NOX4: variants seen among roughly 807,000 people sequenced by gnomAD.
NOX4 encodes NADPH oxidase 4.
A neutral mutation model predicts 87.6 loss-of-function variants in NOX4; 69 were observed. The observed-to-expected ratio is 0.79, with a 90% CI of 0.65 to 0.96. The LOEUF (loss-of-function observed/expected upper bound fraction) is 0.96, where lower values mean the gene tolerates loss of function less well. Among genes scored for constraint, NOX4 ranks in the 40% least tolerant of loss-of-function variants. The pLI, the probability that NOX4 is intolerant of heterozygous loss-of-function variation, is 0.00. For synonymous variants in NOX4, 275 were observed against 238.2 expected (o/e 1.15, Z -1.42); for missense variants, 680 against 681.5 (o/e 1.00, Z 0.02).
intron 2 of NOX4, among the ~76,000 whole-genome samples, chr11:89,479,466 T>C (rs1387895134): frequency 6.6e-6 from 1 of 152,166 alleles, no homozygotes; most frequent in Non-Finnish European, 1.5e-5. Flanking sequence ...TTATACCCTA[T>C]TGTTAAAATG....
chr11:89,553,788 C>G, the NOX4 span, among the ~76,000 whole-genome samples: 3 of 151,782 alleles, frequency 2.0e-5, no homozygotes, highest in Non-Finnish European at 4.4e-5. Flanking sequence ...GAGGGCTTGA[C>G]AGCACCATTT....
chr11:89,565,966 G>A, the NOX4 span, among the ~76,000 whole-genome samples: 1 of 151,786 alleles, frequency 6.6e-6, no homozygotes, highest in South Asian at 2.1e-4. Flanking sequence ...ATGTATTGCT[G>A]GATTTGTGCA....
intron 11 of NOX4, among the ~76,000 whole-genome samples, chr11:89,396,307 T>C (rs2135160087): frequency 6.6e-6 from 1 of 152,272 alleles, no homozygotes; most frequent in East Asian, 1.9e-4. Context: ...TCTCTGTTTG[T>C]CTGTTATTGG....
chr11:89,549,041 A>G, the NOX4 span, among the ~76,000 whole-genome samples: 5 of 152,374 alleles, frequency 3.3e-5, no homozygotes, highest in Admixed American at 1.3e-4. Flanking sequence ...GAATGTTTCA[A>G]AAGCAATAAA....
At chr11:89,573,975 T>TA in the NOX4 span, among the ~76,000 whole-genome samples, 64 of 152,224 alleles carry the variant, frequency 4.2e-4, no homozygotes, top group African/African-American at 1.3e-3. Context: ...CAGAAGGTCA[T>TA]ACTCTGATAT....
At chr11:89,509,816 G>A in the NOX4 span, among the ~76,000 whole-genome samples, 5 of 152,036 alleles carry the variant, frequency 3.3e-5, no homozygotes, top group Non-Finnish European at 4.4e-5. Flanking sequence ...CGATGTGTCC[G>A]TGTCCACTGA....
At chr11:89,441,738 A>G (rs35699522) in intron 5 of NOX4, among the ~76,000 whole-genome samples, 1,961 of 152,152 alleles carry the variant, frequency 0.013, 26 homozygotes, top group Middle Eastern at 0.051. Flanking sequence ...TAATATTGCT[A>G]GAGAAAGAAA....
chr11:89,388,334 C>A (rs1396590974), intron 11 of NOX4, among the ~76,000 whole-genome samples: 2 of 152,106 alleles, frequency 1.3e-5, no homozygotes, highest in Non-Finnish European at 2.9e-5. Flanking sequence ...CCACTGAGAC[C>A]TGCCCCAGGA....
intron 2 of NOX4, among the ~76,000 whole-genome samples, chr11:89,462,633 G>C (rs1945521598): frequency 6.6e-6 from 1 of 151,882 alleles, no homozygotes; most frequent in African/African-American, 2.4e-5. Context: ...GAAAAACATT[G>C]GTTATCATAT....
At chr11:89,430,610 T>A (rs1943725049) in intron 7 of NOX4, among the ~76,000 whole-genome samples, 2 of 151,978 alleles carry the variant, frequency 1.3e-5, no homozygotes, top group South Asian at 2.1e-4. Context: ...CACAATTGCT[T>A]CAAAGAGAAT....
chr11:89,454,529 C>T (rs147574989), intron 2 of NOX4, among the ~76,000 whole-genome samples: 2,021 of 152,122 alleles, frequency 0.013, 45 homozygotes, highest in African/African-American at 0.047. Context: ...ACTATTTAGC[C>T]AACTGTACTG....
chr11:89,561,083 A>ATATATATATATATG, the NOX4 span, among the ~76,000 whole-genome samples: 1 of 125,032 alleles, frequency 8.0e-6, no homozygotes, highest in African/African-American at 3.2e-5. Flanking sequence ...ATATATATAT[A>ATATATATATATATG]TATCCTATCA....
chr11:89,445,869 C>A (rs190105510), intron 4 of NOX4, among the ~76,000 whole-genome samples: 6 of 151,950 alleles, frequency 3.9e-5, no homozygotes, highest in African/African-American at 7.3e-5. Context: ...AATAAGCTGG[C>A]CTTCATTAAA....
chr11:89,532,407 C>T, the NOX4 span, among the ~76,000 whole-genome samples: 14 of 152,280 alleles, frequency 9.2e-5, no homozygotes, highest in African/African-American at 3.1e-4. Flanking sequence ...TAAGATTTAA[C>T]GACTGCCCTG....
rs545965433 is a variant in NOX4 at position 89,434,978 on chromosome 11, C to T, written c.476-2122G>A. ...GCTAGGAGGGGTAGAGGGCAAGATG[C>T]GTTATAAAAGAGCACAAAAATATTC... is the stretch of plus-strand genomic sequence containing the variant. On this transcript the variant is annotated intron_variant, in intron 6 of 17. Transcript: ENST00000263317. 5.3e-5 allele frequency among the ~76,000 whole-genome samples: 8 copies of T among 151,870 alleles called. No homozygotes were observed. In the East Asian group the frequency reaches 1.2e-3, roughly 22 times the overall value.
intron 12 of NOX4, among the ~76,000 whole-genome samples, chr11:89,362,239 A>G (rs1258472818): frequency 2.0e-5 from 3 of 151,894 alleles, no homozygotes; most frequent in African/African-American, 7.3e-5. Context: ...TGCTTCATAG[A>G]TCTCCACTTT....
intron 2 of NOX4, among the ~76,000 whole-genome samples, chr11:89,486,277 A>ATTT: frequency 1.3e-5 from 2 of 148,354 alleles, no homozygotes; most frequent in African/African-American, 4.9e-5. Context: ...TTATTTAAAT[A>ATTT]AATAAATAAA....
chr11:89,502,005 T>C (rs1947027266), upstream of NOX4, among the ~76,000 whole-genome samples: 1 of 152,036 alleles, frequency 6.6e-6, no homozygotes, highest in Non-Finnish European at 1.5e-5. Flanking sequence ...AGTTTGTAAG[T>C]TGATGCCAGA....
the NOX4 span, among the ~76,000 whole-genome samples, chr11:89,513,524 A>T: frequency 6.6e-6 from 1 of 152,086 alleles, no homozygotes; most frequent in Non-Finnish European, 1.5e-5. Flanking sequence ...TTTTTCAAAC[A>T]TAAGCAAAAT....
Sources: allele counts gnomAD v4.1 joint callset (sites outside exome capture counted in the v4.1 genomes callset), GRCh38; gene constraint gnomAD v4.1.1; transcripts MANE v1.5; gene names NCBI Gene and HGNC (gene_info 2026-07-23, HGNC 2026-07-21).